Variants in NIPSNAP2 observed in about 807,000 individuals in gnomAD.
NIPSNAP2 encodes protein NipSnap homolog 2.
Under a neutral mutation model 48.4 loss-of-function variants are expected in NIPSNAP2, and 42 were observed. That is an observed-to-expected ratio of 0.87 (90% confidence interval 0.68 to 1.12). NIPSNAP2 has a LOEUF of 1.12. NIPSNAP2 is among the 50% of genes most tolerant of loss of function. NIPSNAP2 has a pLI of 0.00. For missense variants in NIPSNAP2, 314 were observed against 347.3 expected (o/e 0.90, Z 0.76); for synonymous variants, 158 against 126.6 (o/e 1.25, Z -1.67).
intron 7 of NIPSNAP2, among the ~76,000 whole-genome samples, chr7:55,989,773 C>G (rs964866311): frequency 6.6e-6 from 1 of 152,092 alleles, no homozygotes; most frequent in Non-Finnish European, 1.5e-5. Context: ...TTTCTTTTTA[C>G]CAGTCTCCAT....
In NIPSNAP2 at chr7:55,981,434, C is replaced by G. The variant is rs1476687209; in HGVS notation, c.279-39C>G. On this transcript the variant is annotated intron_variant, in intron 3 of 9. Transcript: ENST00000322090. ...GTGCTGTCCACCTGGTCAAATTTTG[C>G]TGGTTGTTTAATTAGTGTTGCTGTT... 3.3e-6 allele frequency: 5 copies of G among 1,508,114 alleles called. No homozygotes were observed. The African/African-American group carries it at 6.9e-5, about 21-fold the overall frequency. The allele number at this position is 1,508,114 out of a possible 1,614,324, so 93.4% of individuals were successfully genotyped here.
At chr7:55,984,980 C>G in intron 7 of NIPSNAP2, 102 bp downstream of exon 7, 1 of 815,632 alleles carries the variant, frequency 1.2e-6, no homozygotes, top group African/African-American at 1.8e-5. Context: ...AGTACTGTGA[C>G]TTAACACTGC....
chr7:55,999,106 C>T lies in NIPSNAP2; in HGVS notation c.*34C>T. 6.6e-7 allele frequency: 1 copy of T among 1,510,552 alleles called. No individual in the cohort carries two copies. The highest frequency in any genetic ancestry group is 9.1e-7 in the Non-Finnish European group (1 of 1,093,210). 93.6% of individuals were successfully genotyped at this position (1,510,552 alleles called of 1,614,324 possible). On this transcript the variant is annotated 3_prime_UTR_variant, in exon 10 of 10. Coordinates refer to ENST00000322090, the MANE Select transcript of NIPSNAP2 (RefSeq NM_001483.3). ...AGTTTCTATGTGCCTACATACATTT[C>T]TGTGACAAGTATTTGTCGTAAATTA... is the stretch of plus-strand genomic sequence containing the variant.
intron 9 of NIPSNAP2, among the ~76,000 whole-genome samples, chr7:55,998,453 C>T (rs1185859860): frequency 6.7e-6 from 1 of 149,904 alleles, no homozygotes; most frequent in Non-Finnish European, 1.5e-5. Flanking sequence ...ATGGACTTTT[C>T]CTACCTCCCA....
intron 3 of NIPSNAP2, chr7:55,980,163 A>G (rs1032815628): frequency 4.8e-6 from 1 of 207,710 alleles, no homozygotes; most frequent in African/African-American, 2.3e-5. Flanking sequence ...CATTGATCCC[A>G]TGTTATTTCT....
At chr7:55,972,488 A>G (rs374004620) in intron 1 of NIPSNAP2, among the ~76,000 whole-genome samples, 1 of 137,734 alleles carries the variant, frequency 7.3e-6, no homozygotes, top group Non-Finnish European at 1.5e-5. Context: ...GCTGGAGTGT[A>G]GTGGCGTGAT....
chr7:55,993,346 G>A (rs1323542995), intron 7 of NIPSNAP2, among the ~76,000 whole-genome samples: 1 of 151,674 alleles, frequency 6.6e-6, no homozygotes, highest in Non-Finnish European at 1.5e-5. Context: ...TGTAATCCCA[G>A]CAGTTTGGGA....
intron 7 of NIPSNAP2, among the ~76,000 whole-genome samples, chr7:55,994,136 AG>A (rs888183638): frequency 3.9e-5 from 6 of 152,224 alleles, no homozygotes; most frequent in Middle Eastern, 3.4e-3. Flanking sequence ...GCCCTGCCCC[AG>A]GGGTGGTCCC....
At chr7:55,987,776 G>C (rs866951320) in intron 7 of NIPSNAP2, among the ~76,000 whole-genome samples, 7 of 152,306 alleles carry the variant, frequency 4.6e-5, no homozygotes, top group Middle Eastern at 6.8e-3. Context: ...GAAACAGAAA[G>C]TGGAAAGGTG....
At chr7:55,989,673 T>C (rs1787403794) in intron 7 of NIPSNAP2, among the ~76,000 whole-genome samples, 1 of 151,882 alleles carries the variant, frequency 6.6e-6, no homozygotes, top group South Asian at 2.1e-4. Context: ...TTATTGACCA[T>C]TGGTTAGCTG....
rs747079876 is a variant in NIPSNAP2, at chr7:55,983,711, A to G, written c.445-17A>G. ...AAGTATCAGAAGATTTCATGAGCAC[A>G]TTTTTTTCACTCAAAGGAATTTTTG... On this transcript the variant is annotated splice_polypyrimidine_tract_variant and intron_variant, in intron 5 of 9. Coordinates refer to ENST00000322090, the MANE Select transcript of NIPSNAP2 (RefSeq NM_001483.3). 2.5e-6 allele frequency: 4 copies of G among 1,612,934 alleles called. No homozygotes were observed. In the South Asian group the frequency reaches 3.3e-5, roughly 13 times the overall value.
At chr7:55,987,551 C>T (rs1297819298) in intron 7 of NIPSNAP2, among the ~76,000 whole-genome samples, 2 of 152,076 alleles carry the variant, frequency 1.3e-5, no homozygotes, top group African/African-American at 4.8e-5. Flanking sequence ...TCACTTGAAC[C>T]CGGGAGGTGG....
chr7:55,993,757 A>T (rs1455846514), intron 7 of NIPSNAP2, among the ~76,000 whole-genome samples: 1 of 152,074 alleles, frequency 6.6e-6, no homozygotes, highest in African/African-American at 2.4e-5. Flanking sequence ...TAAAGAGCTG[A>T]TACCTTTTGC....
chr7:55,990,958 G>A (rs1787432187), intron 7 of NIPSNAP2, among the ~76,000 whole-genome samples: 1 of 151,674 alleles, frequency 6.6e-6, no homozygotes, highest in Non-Finnish European at 1.5e-5. Flanking sequence ...TGGCTAATAT[G>A]TTTTGTATTT....
chr7:55,994,925 A>G lies in NIPSNAP2; in HGVS notation c.649A>G (p.Asn217Asp). ...TGCAATCCGCTTCAGACAGGATGGT[A>G]ACGAAGCCGTCGGAGGATTCTTCTC... Reference protein sequence around the residue: ...ARAIRFRQDGNEAVGGFFSQI... With the variant: ...ARAIRFRQDGDEAVGGFFSQI... Residue 217 changes from asparagine (N) to aspartate (D), a missense_variant, in exon 8 of 10, where the codon AAC becomes GAC. By Grantham distance (23) the Asn-to-Asp change is conservative. Around this residue, in one of 2 missense-constraint regions of NIPSNAP2, gnomAD observed 116 missense variants for 161.8 expected, o/e 0.72. Coordinates refer to ENST00000322090, the MANE Select transcript of NIPSNAP2 (RefSeq NM_001483.3). 6.2e-7 allele frequency: 1 copy of G among 1,614,186 alleles called. No homozygotes were observed. The highest frequency in any genetic ancestry group is 8.5e-7 in the Non-Finnish European group (1 of 1,180,018).
At chr7:55,997,122 G>C (rs940512762) in intron 8 of NIPSNAP2, among the ~76,000 whole-genome samples, 2 of 151,158 alleles carry the variant, frequency 1.3e-5, no homozygotes, top group African/African-American at 2.4e-5. Flanking sequence ...TCGTGCCATT[G>C]CGCTCCAGGC....
intron 6 of NIPSNAP2, 55 bp from the exon 7 acceptor site, chr7:55,984,792 C>T: frequency 3.6e-6 from 5 of 1,372,378 alleles, no homozygotes; most frequent in East Asian, 2.4e-5. Context: ...TTTGCTATTT[C>T]TGTATTTTTT....
At chr7:55,993,681 A>G (rs1371921110) in intron 7 of NIPSNAP2, among the ~76,000 whole-genome samples, 1 of 151,960 alleles carries the variant, frequency 6.6e-6, no homozygotes, top group Non-Finnish European at 1.5e-5. Flanking sequence ...TGGAGATTGC[A>G]GTAAGCTGAG....
At chr7:55,982,141 T>C in intron 4 of NIPSNAP2, 69 bp from the exon 5 acceptor site, 2 of 983,446 alleles carry the variant, frequency 2.0e-6, no homozygotes, top group East Asian at 2.5e-5. Flanking sequence ...GTTATACCTA[T>C]CTAGAACATT....
Sources: gnomAD v4.1 joint callset for allele counts (sites outside exome capture counted in the v4.1 genomes callset) on GRCh38, gnomAD v4.1.1 for gene constraint, gnomAD v4.1.1 regional missense constraint, MANE v1.5 for transcripts, NCBI Gene and HGNC (gene_info 2026-07-23, HGNC 2026-07-21) for gene names.